TTF2: variants seen among roughly 807,000 people sequenced by gnomAD.
TTF2 encodes the protein RNA polymerase II termination factor.
In TTF2, 108 loss-of-function variants were observed where a neutral mutation model predicts 142.4. That is an observed-to-expected ratio of 0.76 (90% CI 0.65 to 0.89). The LOEUF (loss-of-function observed/expected upper bound fraction) is 0.89, where lower values mean the gene tolerates loss of function less well. TTF2 is among the 40% of genes least tolerant of loss of function. TTF2 has a pLI of 0.00. For synonymous variants in TTF2, 483 were observed against 506.2 expected (o/e 0.95, Z 0.61); for missense variants, 1,327 against 1,379.8 (o/e 0.96, Z 0.61).
chr1:117,092,770 C>A lies in TTF2; in HGVS notation c.2845C>A (p.Leu949Ile). ...GGAACTGAAGGGTGAAGGTCTTGTC[C>A]TTTCCCTGGAAGAACAGCTCAGTGC... ...PMELKGEGLV[L>I]SLEEQLSALT... Residue 949 changes from leucine (L) to isoleucine (I), a missense_variant, in exon 18 of 23, where the codon CTT (leucine) becomes ATT (isoleucine). Transcript: ENST00000369466. The surrounding 1 kb of genome is among the most constrained non-coding windows in gnomAD (Gnocchi z 4.4). The A allele has an allele frequency of 6.2e-7, 1 of 1,614,162 alleles. No homozygotes were observed. The highest frequency in any genetic ancestry group is 8.5e-7 in the Non-Finnish European group (1 of 1,180,030).
At chr1:117,081,212 G>A (rs1647480703) in intron 9 of TTF2, among the ~76,000 whole-genome samples, 1 of 152,226 alleles carries the variant, frequency 6.6e-6, no homozygotes, top group African/African-American at 2.4e-5. Context: ...CCCATGCTCT[G>A]ACATTCCACT....
chr1:117,099,261 A>T lies in TTF2; in HGVS notation c.3344+354A>T, dbSNP rs1649399111. 6.6e-6 allele frequency among the ~76,000 whole-genome samples: 1 copy of T among 152,204 alleles called. No homozygotes were observed. ...AAAGTTCCCATATATTATGGTGTGC[A>T]TGTGGGTAGAAACATTTTTCTGGAC... On this transcript the variant is annotated intron_variant, in intron 22 of 22. Coordinates refer to ENST00000369466, the MANE Select transcript of TTF2 (RefSeq NM_003594.4). The surrounding 1 kb of genome is among the most constrained non-coding windows in gnomAD (Gnocchi z 4.3).
In TTF2 at chr1:117,085,812, A is replaced by G. The variant is rs1267942314; in HGVS notation, c.2055-605A>G. The stretch of plus-strand genomic sequence containing the variant: ...CACTGGAAAAAGATTTGTGTTTCTC[A>G]TTAATAATCTTTATATGTAAGGAGT... On this transcript the variant is annotated intron_variant, in intron 11 of 22. Transcript: ENST00000369466. The surrounding 1 kb of genome is among the most constrained non-coding windows in gnomAD (Gnocchi z 4.7). Among the ~76,000 whole-genome samples the G allele has an allele frequency of 1.3e-5, 2 of 152,188 alleles. No individual in the cohort carries two copies. The highest frequency in any genetic ancestry group is 2.9e-5 in the Non-Finnish European group (2 of 68,028).
At position 117,097,596 on chromosome 1, in the gene TTF2, G is replaced by A. The variant is rs1187956185; in HGVS notation, c.3269+163G>A. The stretch of plus-strand genomic sequence containing the variant: ...GATACAGATCTAAGCAGGGTATAGG[G>A]CTAGCTGACTCCCCTGAATTCCTGA... On this transcript the variant is annotated intron_variant, in intron 21 of 22. Coordinates refer to ENST00000369466, the MANE Select transcript of TTF2 (RefSeq NM_003594.4). This position sits in a 1 kb window ranked among gnomAD's most constrained non-coding sequence, Gnocchi z 4.1. Among the ~76,000 whole-genome samples the A allele has an allele frequency of 1.3e-5, 2 of 152,186 alleles. No individual in the cohort carries two copies. Among genetic ancestry groups the A allele is most frequent in the Non-Finnish European group, 2.9e-5 (2 of 68,036 alleles).
In TTF2 at chr1:117,104,422, C is replaced by T. The variant is rs1344475243; in HGVS notation, c.*2898C>T. ...AAGCATTGTTTAGGGGAGAGGAATT[C>T]TTTCAGGTTCAAGCATTCTGGCTTT... On this transcript the variant is annotated 3_prime_UTR_variant, in exon 23 of 23. Transcript: ENST00000369466. 6.6e-6 allele frequency: 1 copy of T among 152,202 alleles called. No individual in the cohort carries two copies. Among genetic ancestry groups the T allele is most frequent in the Non-Finnish European group, 1.5e-5 (1 of 68,040 alleles). The allele number at this position is 152,202 out of a possible 1,614,324, so 9.4% of individuals were successfully genotyped here. A position where few individuals can be genotyped will look rare whatever the true frequency, so the allele number is the denominator to read the frequency against.
intron 8 of TTF2, among the ~76,000 whole-genome samples, 169 bp downstream of exon 8, chr1:117,078,212 C>T (rs1250557461): frequency 1.3e-5 from 2 of 152,164 alleles, no homozygotes; most frequent in African/African-American, 2.4e-5. Context: ...ACAATAACAA[C>T]AAAACCCCTT....
chr1:117,098,801 A>T (rs1319204006), intron 21 of TTF2, 32 bp from the exon 22 acceptor site: 2 of 1,603,800 alleles, frequency 1.2e-6, no homozygotes, highest in African/African-American at 2.7e-5. Flanking sequence ...CTAGTATGTC[A>T]GTTCCTTTGA....
Position 117,102,254 on chromosome 1 carries a change from C to T in TTF2, c.*730C>T, listed in dbSNP as rs1363000802. On this transcript the variant is annotated 3_prime_UTR_variant, in exon 23 of 23. Coordinates refer to ENST00000369466, the MANE Select transcript of TTF2 (RefSeq NM_003594.4). ...CACAGGCTCCATCCTATCTCTTCAT[C>T]TCTTCTTGCCAGTGATGTTGCACCT... 1 of 152,228 alleles carries T rather than the reference C, an allele frequency of 6.6e-6. No homozygotes were observed. The highest frequency in any genetic ancestry group is 2.4e-5 in the African/African-American group (1 of 41,458). The allele number at this position is 152,228 out of a possible 1,614,324, so 9.4% of individuals were successfully genotyped here. A position where few individuals can be genotyped will look rare whatever the true frequency, so the allele number is the denominator to read the frequency against.
chr1:117,096,326 A>G (rs762899579), intron 20 of TTF2, 27 bp downstream of exon 20: 109 of 1,611,150 alleles, frequency 6.8e-5, no homozygotes, highest in Non-Finnish European at 9.0e-5. Flanking sequence ...TCAGAGCCGC[A>G]TAATTAACTG....
At chr1:117,095,412 G>A (rs776765011) in intron 19 of TTF2, 45 bp downstream of exon 19, 82 of 1,579,120 alleles carry the variant, frequency 5.2e-5, no homozygotes, top group Non-Finnish European at 6.7e-5. Context: ...ATAATTATGT[G>A]AGAAAATTTG....
rs1647337445 is a variant in TTF2 at position 117,079,873 on chromosome 1, G to A, written c.1783+224G>A. Among the ~76,000 whole-genome samples, 1 of 152,212 alleles carries A rather than the reference G, an allele frequency of 6.6e-6. No individual in the cohort carries two copies. The highest frequency in any genetic ancestry group is 1.5e-5 in the Non-Finnish European group (1 of 68,040). The stretch of plus-strand genomic sequence containing the variant: ...GTTGCCAGCAGTAGAAGCTGACTCT[G>A]GCTGATTAAAGAGAGGAGGAGTTTA... On this transcript the variant is annotated intron_variant, in intron 9 of 22. Coordinates refer to ENST00000369466, the MANE Select transcript of TTF2 (RefSeq NM_003594.4). This position sits in a 1 kb window ranked among gnomAD's most constrained non-coding sequence, Gnocchi z 4.2.
Position 117,100,337 on chromosome 1 carries a change from C to G in TTF2, c.3345-1043C>G, listed in dbSNP as rs1649486201. Among the ~76,000 whole-genome samples the G allele has an allele frequency of 6.6e-6, 1 of 152,152 alleles. No individual in the cohort carries two copies. The highest frequency in any genetic ancestry group is 2.4e-5 in the African/African-American group (1 of 41,414). On this transcript the variant is annotated intron_variant, in intron 22 of 22. Coordinates refer to ENST00000369466, the MANE Select transcript of TTF2 (RefSeq NM_003594.4). This position sits in a 1 kb window ranked among gnomAD's most constrained non-coding sequence, Gnocchi z 4.6. ...TATATTTTCTAAATGTTTCTGATAA[C>G]CATTTCTTCCTTCCCATGCCCACTG...
At chr1:117,060,746 G>T (rs182341280) in intron 2 of TTF2, among the ~76,000 whole-genome samples, 189 bp downstream of exon 2, 28 of 152,322 alleles carry the variant, frequency 1.8e-4, no homozygotes, top group African/African-American at 6.7e-4. Context: ...AGCTAATTCT[G>T]GCTGTGTGAC....
chr1:117,060,418 C>G, intron 1 of TTF2, 37 bp from the exon 2 acceptor site: 1 of 1,608,982 alleles, frequency 6.2e-7, no homozygotes, highest in Non-Finnish European at 8.5e-7. Flanking sequence ...GTTGATTTAG[C>G]GTGGCGTAAT....
In TTF2 at chr1:117,084,013, T is replaced by C. The variant is rs760907505; in HGVS notation, c.1904-5T>C. 4 of 1,613,938 alleles carry C rather than the reference T, an allele frequency of 2.5e-6. No individual in the cohort carries two copies. The highest frequency in any genetic ancestry group is 3.4e-6 in the Non-Finnish European group (4 of 1,179,962). Reference sequence around the variant, plus strand: ...ACTAGGCACTGATTTTTTTCCCTTCTCAAGACTCTTGTGACTTTACTTCCC... The same window carrying C: ...ACTAGGCACTGATTTTTTTCCCTTCCCAAGACTCTTGTGACTTTACTTCCC... On this transcript the variant is annotated splice_region_variant and splice_polypyrimidine_tract_variant and intron_variant, in intron 10 of 22. Transcript: ENST00000369466.
At chr1:117,065,395 G>A (rs1302132845) in intron 3 of TTF2, among the ~76,000 whole-genome samples, 4 of 152,110 alleles carry the variant, frequency 2.6e-5, no homozygotes, top group East Asian at 1.9e-4. Flanking sequence ...TCAGGAGATC[G>A]AGACCATCAT....
chr1:117,081,992 G>A, intron 10 of TTF2, 45 bp downstream of exon 10: 4 of 1,613,004 alleles, frequency 2.5e-6, no homozygotes, highest in Non-Finnish European at 3.4e-6. Flanking sequence ...TACGTCATTT[G>A]AGCCACCCAA....
At chr1:117,074,440 G>A (rs537325304) in intron 4 of TTF2, among the ~76,000 whole-genome samples, 8 of 152,256 alleles carry the variant, frequency 5.3e-5, no homozygotes, top group South Asian at 2.1e-4. Flanking sequence ...CGAAAGTATC[G>A]TGAAGAAATG....
At position 117,105,966 on chromosome 1, in the gene TTF2, T is replaced by C. The variant is rs762304407; in HGVS notation, c.*4442T>C. The C allele has an allele frequency of 2.0e-5, 3 of 152,202 alleles. No individual in the cohort carries two copies. In the South Asian group the frequency reaches 6.2e-4, roughly 31 times the overall value. The allele number at this position is 152,202 out of a possible 1,614,324, so 9.4% of individuals were successfully genotyped here. ...TTCTCCTGCACTAATAGGATAAGCA[T>C]GGAGACACCAGTGTTCAGTGTGGCC... is the stretch of plus-strand genomic sequence containing the variant. On this transcript the variant is annotated 3_prime_UTR_variant, in exon 23 of 23. Coordinates refer to ENST00000369466, the MANE Select transcript of TTF2 (RefSeq NM_003594.4). The surrounding 1 kb of genome is among the most constrained non-coding windows in gnomAD (Gnocchi z 4.7).
Sources: allele counts gnomAD v4.1 joint callset (sites outside exome capture counted in the v4.1 genomes callset), GRCh38; gene constraint gnomAD v4.1.1; non-coding constraint Gnocchi (gnomAD v3.1); transcripts MANE v1.5; gene names NCBI Gene and HGNC (gene_info 2026-07-23, HGNC 2026-07-21).